The following TRPS1 variants were observed in gnomAD, a reference collection of about 807,000 sequenced individuals.
TRPS1 encodes zinc finger transcription factor Trps1.
TRPS1 carries 6 observed loss-of-function variants against 101.2 expected under a neutral mutation model. The observed-to-expected ratio is 0.06, with a 90% CI of 0.03 to 0.12. The LOEUF (loss-of-function observed/expected upper bound fraction) is 0.12. TRPS1 is among the 10% of genes least tolerant of loss of function. The pLI is 1.00. For missense variants in TRPS1, 1,363 were observed against 1,567.0 expected (o/e 0.87, Z 2.20); for synonymous variants, 578 against 589.8 (o/e 0.98, Z 0.29).
At chr8:115,582,517 A>G (rs1232187001) in intron 5 of TRPS1, among the ~76,000 whole-genome samples, 1 of 152,224 alleles carries the variant, frequency 6.6e-6, no homozygotes, top group Non-Finnish European at 1.5e-5. Context: ...ATTTCCACTT[A>G]TCTAGCACTC....
At chr8:115,417,038 T>C (rs1170097421) in intron 6 of TRPS1, among the ~76,000 whole-genome samples, 1 of 152,172 alleles carries the variant, frequency 6.6e-6, no homozygotes, top group African/African-American at 2.4e-5. Context: ...ACTGAAAACA[T>C]CTTACCTCTG....
chr8:115,518,785 T>C (rs1358753580), intron 5 of TRPS1, among the ~76,000 whole-genome samples: 2 of 151,976 alleles, frequency 1.3e-5, no homozygotes, highest in Admixed American at 6.6e-5. Context: ...ATATTTTCTC[T>C]GCATTGCCTT....
rs1563583145 is a variant in TRPS1 at position 115,535,302 on chromosome 8, T to TAGC, written c.2700+51698_2700+51699insGCT. On this transcript the variant is annotated intron_variant, in intron 5 of 6. Coordinates refer to ENST00000395715, the MANE Select transcript of TRPS1 (RefSeq NM_014112.5). Reference sequence around the variant, plus strand: ...ATATATAGCATATATATAGCATATATATAGCATATATAGCATATATAGAGC... The same window carrying TAGC: ...ATATATAGCATATATATAGCATATATAGCATAGCATATATAGCATATATAGAGC... Among the ~76,000 whole-genome samples, 7 of 121,722 alleles carry TAGC rather than the reference T, an allele frequency of 5.8e-5. No homozygotes were observed. The East Asian group carries it at 8.3e-4, about 14-fold the overall frequency. The allele number at this position is 121,722 out of a possible 152,430, so 79.9% of individuals were successfully genotyped here.
intron 5 of TRPS1, among the ~76,000 whole-genome samples, chr8:115,484,259 TA>T (rs200916502): frequency 3.3e-5 from 5 of 151,346 alleles, no homozygotes; most frequent in Non-Finnish European, 5.9e-5. Flanking sequence ...AGCTAAAGCT[TA>T]AAAAAAAATC....
intron 5 of TRPS1, among the ~76,000 whole-genome samples, chr8:115,517,241 A>T (rs539880066): frequency 1.8e-4 from 28 of 151,794 alleles, no homozygotes; most frequent in South Asian, 6.2e-4. Flanking sequence ...TAGATATCCT[A>T]ATTACTTTCT....
chr8:115,484,165 A>G (rs1814823605), intron 5 of TRPS1, among the ~76,000 whole-genome samples: 1 of 152,158 alleles, frequency 6.6e-6, no homozygotes, highest in South Asian at 2.1e-4. Context: ...ATGTATCTCA[A>G]AACAAGGCAT....
chr8:115,557,641 A>C (rs1017385828), intron 5 of TRPS1, among the ~76,000 whole-genome samples: 2 of 152,136 alleles, frequency 1.3e-5, no homozygotes, highest in East Asian at 3.9e-4. Flanking sequence ...CGCCATGATT[A>C]TAAGTTGCCT....
At chr8:115,613,470 T>C (rs2130516643) in intron 3 of TRPS1, among the ~76,000 whole-genome samples, 1 of 152,314 alleles carries the variant, frequency 6.6e-6, no homozygotes, top group East Asian at 1.9e-4. Flanking sequence ...TTACATGCAA[T>C]TGGCCTACCC....
chr8:115,656,377 T>A (rs1811677028), intron 1 of TRPS1, among the ~76,000 whole-genome samples: 1 of 152,132 alleles, frequency 6.6e-6, no homozygotes, highest in Non-Finnish European at 1.5e-5. Context: ...AAGTCTCCAC[T>A]CTACATACAG....
chr8:115,640,404 C>A (rs1818868282), intron 1 of TRPS1, among the ~76,000 whole-genome samples: 1 of 152,148 alleles, frequency 6.6e-6, no homozygotes, highest in African/African-American at 2.4e-5. Context: ...ACATAATATC[C>A]TCTCCCTACT....
intron 5 of TRPS1, among the ~76,000 whole-genome samples, chr8:115,582,949 T>C (rs1817484622): frequency 1.3e-5 from 2 of 151,936 alleles, no homozygotes; most frequent in African/African-American, 4.8e-5. Context: ...CATGGAGGAG[T>C]TTACCTGAAT....
At chr8:115,634,011 A>AAAC (rs1222143718) in intron 1 of TRPS1, among the ~76,000 whole-genome samples, 3 of 139,526 alleles carry the variant, frequency 2.2e-5, no homozygotes, top group Admixed American at 6.6e-5. Context: ...TAACCAAAAC[A>AAAC]AACAACAACA....
At chr8:115,622,087 A>C (rs968445124) in intron 2 of TRPS1, among the ~76,000 whole-genome samples, 1 of 152,192 alleles carries the variant, frequency 6.6e-6, no homozygotes, top group Admixed American at 6.5e-5. Flanking sequence ...GCGTTGAGGC[A>C]ATGTAAACCT....
At chr8:115,506,307 T>C (rs149036584) in intron 5 of TRPS1, among the ~76,000 whole-genome samples, 1 of 151,972 alleles carries the variant, frequency 6.6e-6, no homozygotes, top group African/African-American at 2.4e-5. Flanking sequence ...GCTCAGCAAA[T>C]TAAGCTCTGA....
In TRPS1 at chr8:115,634,982, T is replaced by G. The variant is rs532149030; in HGVS notation, c.-121-11224A>C. 3.9e-5 allele frequency among the ~76,000 whole-genome samples: 6 copies of G among 152,228 alleles called. No individual in the cohort carries two copies. In the East Asian group the frequency reaches 1.2e-3, roughly 29 times the overall value. On this transcript the variant is annotated intron_variant, in intron 1 of 6. Coordinates refer to ENST00000395715, the MANE Select transcript of TRPS1 (RefSeq NM_014112.5). ...ATTCTCCTTCATGAAGTCTCACCAA[T>G]GTAGTCCAGGTAAGCTAAAATAATA...
chr8:115,462,132 A>T (rs1339149899), intron 5 of TRPS1, among the ~76,000 whole-genome samples: 10 of 152,220 alleles, frequency 6.6e-5, no homozygotes, highest in Non-Finnish European at 1.0e-4. Context: ...TTCTGAGGAA[A>T]TATGATCTTA....
Position 115,535,144 on chromosome 8 carries a change from A to ATATCGCATATG in TRPS1, c.2700+51856_2700+51857insCATATGCGATA, listed in dbSNP as rs1563582527. 6.9e-4 allele frequency among the ~76,000 whole-genome samples: 19 copies of ATATCGCATATG among 27,692 alleles called. No homozygotes were observed. In the South Asian group the frequency reaches 0.021, roughly 31 times the overall value. 18.2% of individuals were successfully genotyped at this position (27,692 alleles called of 152,430 possible). A position where few individuals can be genotyped will look rare whatever the true frequency, so the allele number is the denominator to read the frequency against. On this transcript the variant is annotated intron_variant, in intron 5 of 6. Coordinates refer to ENST00000395715, the MANE Select transcript of TRPS1 (RefSeq NM_014112.5). Reference sequence around the variant, plus strand: ...TATGTATAGCATATATATAGCATATATATAGCATATGTATAGCATATGTAT... The same window carrying ATATCGCATATG: ...TATGTATAGCATATATATAGCATATATATCGCATATGTATAGCATATGTATAGCATATGTAT...
chr8:115,555,522 T>C (rs1219102252), intron 5 of TRPS1, among the ~76,000 whole-genome samples: 1 of 152,088 alleles, frequency 6.6e-6, no homozygotes. Context: ...CTTCTTTTTT[T>C]TTTTCTTCCA....
intron 1 of TRPS1, among the ~76,000 whole-genome samples, chr8:115,626,261 C>T (rs2130549671): frequency 6.7e-6 from 1 of 149,726 alleles, no homozygotes; most frequent in East Asian, 2.0e-4. Context: ...TTTGAAAGAA[C>T]ATATGTGTTT....
Sources: gnomAD v4.1 joint callset for allele counts (sites outside exome capture counted in the v4.1 genomes callset) on GRCh38, gnomAD v4.1.1 for gene constraint, MANE v1.5 for transcripts, NCBI Gene and HGNC (gene_info 2026-07-23, HGNC 2026-07-21) for gene names.